The following NLGN4Y variants were observed in gnomAD, a reference collection of about 807,000 sequenced individuals.
NLGN4Y encodes the protein neuroligin 4 Y-linked.
A neutral mutation model predicts 8.4 loss-of-function variants in NLGN4Y; 4 were observed. That is an observed-to-expected ratio of 0.48 (90% CI 0.23 to 1.09). NLGN4Y has a LOEUF of 1.09. Ranked by LOEUF, NLGN4Y falls within the 50% of genes least tolerant of loss-of-function variation. The probability of loss-of-function intolerance (pLI) is 0.19; values close to 1 mark genes in which losing one functional copy is unlikely to be tolerated. For synonymous variants in NLGN4Y, 35 were observed against 75.6 expected, an observed-to-expected ratio of 0.46 and a Z score of 2.78; for missense variants, 90 against 192.3, an observed-to-expected ratio of 0.47 and a Z score of 3.15.
chrY:14,669,295 A>G, intron 2 of NLGN4Y, among the ~76,000 whole-genome samples: 1 of 33,469 alleles, frequency 3.0e-5, no homozygotes, highest in Non-Finnish European at 7.4e-5. Context: ...ATTCTACTAT[A>G]TTTTCAAGGA....
At chrY:14,559,422 G>T (rs769000861) in intron 1 of NLGN4Y, among the ~76,000 whole-genome samples, 1 of 33,414 alleles carries the variant, frequency 3.0e-5, no homozygotes, top group Admixed American at 2.8e-4. Flanking sequence ...GCAGCTTTGT[G>T]AGGCCATTTC....
intron 2 of NLGN4Y, among the ~76,000 whole-genome samples, chrY:14,689,943 C>A (rs2080803917): frequency 3.0e-5 from 1 of 33,051 alleles, no homozygotes; most frequent in Non-Finnish European, 7.5e-5. Flanking sequence ...TAGATTTCAC[C>A]AGGTTTGGTG....
chrY:14,598,120 G>A, intron 1 of NLGN4Y, among the ~76,000 whole-genome samples: 1 of 35,116 alleles, frequency 2.8e-5, no homozygotes. Context: ...AGACTCAGGA[G>A]CCCAGCTGGC....
At chrY:14,745,900 A>T (rs2081022617) in intron 4 of NLGN4Y, among the ~76,000 whole-genome samples, 1 of 33,383 alleles carries the variant, frequency 3.0e-5, no homozygotes, top group Non-Finnish European at 7.4e-5. Context: ...TACTATGCAT[A>T]AAGAATAGGA....
intron 4 of NLGN4Y, among the ~76,000 whole-genome samples, chrY:14,796,300 A>G (rs2043007760): frequency 3.0e-5 from 1 of 33,302 alleles, no homozygotes; most frequent in Admixed American, 2.7e-4. Context: ...AAAAAGGAGT[A>G]AATAAGAAAT....
At chrY:14,551,586 C>G (rs756833408) in intron 1 of NLGN4Y, among the ~76,000 whole-genome samples, 9 of 33,674 alleles carry the variant, frequency 2.7e-4, no homozygotes, top group African/African-American at 1.0e-3. Context: ...AACAGCCTGT[C>G]AGACACACGT....
At chrY:14,812,647 G>C (rs2043086124) in intron 4 of NLGN4Y, among the ~76,000 whole-genome samples, 2 of 32,434 alleles carry the variant, frequency 6.2e-5, no homozygotes, top group South Asian at 1.4e-3. Context: ...ATCTACCTGA[G>C]AGCTGAGTTC....
intron 2 of NLGN4Y, 73 bp downstream of exon 2, chrY:14,622,664 T>C: frequency 4.3e-6 from 1 of 235,002 alleles, no homozygotes; most frequent in African/African-American, 7.4e-5. Flanking sequence ...GAGGGTTTTA[T>C]AATGTCTCTT....
chrY:14,572,705 G>C, intron 1 of NLGN4Y, among the ~76,000 whole-genome samples: 1 of 33,087 alleles, frequency 3.0e-5, no homozygotes, highest in Non-Finnish European at 7.4e-5. Context: ...TCCAGTTTTT[G>C]CCCATTCAGT....
intron 1 of NLGN4Y, among the ~76,000 whole-genome samples, chrY:14,614,804 G>A: frequency 3.0e-5 from 1 of 32,965 alleles, no homozygotes; most frequent in Non-Finnish European, 7.5e-5. Flanking sequence ...TATCTGTTTT[G>A]TACCAGTACC....
intron 1 of NLGN4Y, among the ~76,000 whole-genome samples, chrY:14,578,254 A>G (rs2080305387): frequency 4.1e-5 from 1 of 24,533 alleles, no homozygotes; most frequent in Non-Finnish European, 9.7e-5. Context: ...CATCATCATC[A>G]TCATCATCCC....
At chrY:14,766,024 C>T (rs985239167) in intron 4 of NLGN4Y, among the ~76,000 whole-genome samples, 3 of 33,365 alleles carry the variant, frequency 9.0e-5, no homozygotes, top group Non-Finnish European at 2.2e-4. Context: ...AAAGTTTTCT[C>T]TGTACATGTG....
At chrY:14,815,405 C>T in intron 4 of NLGN4Y, among the ~76,000 whole-genome samples, 1 of 33,024 alleles carries the variant, frequency 3.0e-5, no homozygotes, top group Admixed American at 2.8e-4. Context: ...GAATGTTTGC[C>T]ATTACAACAC....
intron 4 of NLGN4Y, among the ~76,000 whole-genome samples, chrY:14,735,610 G>T (rs2080989337): frequency 3.0e-5 from 1 of 33,186 alleles, no homozygotes; most frequent in Non-Finnish European, 7.4e-5. Flanking sequence ...TTCTGAGAGT[G>T]GGGTGCTGCT....
chrY:14,770,573 T>A, intron 4 of NLGN4Y, among the ~76,000 whole-genome samples: 1 of 33,196 alleles, frequency 3.0e-5, no homozygotes. Context: ...AAACCAAAGG[T>A]AGATAAATTC....
intron 1 of NLGN4Y, among the ~76,000 whole-genome samples, chrY:14,537,189 A>T: frequency 3.0e-5 from 1 of 33,378 alleles, no homozygotes; most frequent in Non-Finnish European, 7.4e-5. Context: ...GGAGTGAAAG[A>T]CTAAATCTCA....
At chrY:14,524,978 G>C in intron 1 of NLGN4Y, 1 of 115,200 alleles carries the variant, frequency 8.7e-6, no homozygotes, top group South Asian at 4.1e-5. Flanking sequence ...GAGCCGAGTC[G>C]CGAGCTTTGC....
chrY:14,563,414 T>A, intron 1 of NLGN4Y, among the ~76,000 whole-genome samples: 1 of 33,453 alleles, frequency 3.0e-5, no homozygotes, highest in East Asian at 7.9e-4. Flanking sequence ...TTGGATAAGC[T>A]TTTTGATGTG....
At chrY:14,668,717 C>A (rs2080700182) in intron 2 of NLGN4Y, among the ~76,000 whole-genome samples, 1 of 32,686 alleles carries the variant, frequency 3.1e-5, no homozygotes, top group Non-Finnish European at 7.5e-5. Flanking sequence ...AATTGACATG[C>A]AGTTCTTCAT....
Sources: gnomAD v4.1 joint callset for allele counts (sites outside exome capture counted in the v4.1 genomes callset) on GRCh38, gnomAD v4.1.1 for gene constraint, MANE v1.5 for transcripts, NCBI Gene and HGNC (gene_info 2026-07-23, HGNC 2026-07-21) for gene names.